Variants in SLC20A1 observed in about 807,000 individuals in gnomAD.
SLC20A1 encodes the protein solute carrier family 20 member 1, also known as sodium-dependent phosphate transporter 1.
In SLC20A1, 28 loss-of-function variants were observed where a neutral mutation model predicts 62.7. The observed-to-expected ratio is 0.45, with a 90% confidence interval of 0.33 to 0.61. The LOEUF is 0.61. SLC20A1 is among the 20% of genes least tolerant of loss of function. The probability of loss-of-function intolerance (pLI) is 0.02; values close to 1 mark genes in which losing one functional copy is unlikely to be tolerated. For synonymous variants in SLC20A1, 305 were observed against 302.9 expected (o/e 1.01, Z -0.07); for missense variants, 673 against 838.6 (o/e 0.80, Z 2.44).
chr2:112,651,599 G>C (rs989672738), intron 4 of SLC20A1, among the ~76,000 whole-genome samples: 2 of 151,898 alleles, frequency 1.3e-5, no homozygotes, highest in African/African-American at 2.4e-5. Flanking sequence ...GTAGAGACAG[G>C]GTTTCACCGT....
chr2:112,659,779 C>T lies in SLC20A1; in HGVS notation c.1607+17C>T. On this transcript the variant is annotated intron_variant, in intron 8 of 10. Coordinates refer to ENST00000272542, the MANE Select transcript of SLC20A1 (RefSeq NM_005415.5). Reference sequence around the variant, plus strand: ...TGACGTAAGGTCAGTTGACATTGATCTTAGTGTTGCTAACCCTATTTTTAA... The same window carrying T: ...TGACGTAAGGTCAGTTGACATTGATTTTAGTGTTGCTAACCCTATTTTTAA... 6.3e-7 allele frequency: 1 copy of T among 1,593,462 alleles called. No homozygotes were observed. The highest frequency in any genetic ancestry group is 8.6e-7 in the Non-Finnish European group (1 of 1,167,144).
chr2:112,662,233 T>C (rs1480900675), intron 10 of SLC20A1, among the ~76,000 whole-genome samples: 1 of 152,216 alleles, frequency 6.6e-6, no homozygotes, highest in African/African-American at 2.4e-5. Flanking sequence ...TTAGGTTTAA[T>C]ATCAGCCACT....
At position 112,662,855 on chromosome 2, in the gene SLC20A1, C is replaced by T. The variant is rs1270333744; in HGVS notation, c.1879-9C>T. The T allele has an allele frequency of 1.9e-6, 3 of 1,612,958 alleles. No homozygotes were observed. The highest frequency in any genetic ancestry group is 1.7e-4 in the Middle Eastern group (1 of 6,008). On this transcript the variant is annotated splice_polypyrimidine_tract_variant and intron_variant, in intron 10 of 10. Coordinates refer to ENST00000272542, the MANE Select transcript of SLC20A1 (RefSeq NM_005415.5). ...AATAACCTGTTTCCTTGGTCTGCTT[C>T]TCTTCTAGGTGGGCTCTGTTGTGTC...
intron 4 of SLC20A1, among the ~76,000 whole-genome samples, chr2:112,651,123 G>A (rs947151042): frequency 2.5e-4 from 38 of 152,136 alleles, no homozygotes; most frequent in Non-Finnish European, 5.9e-5. Flanking sequence ...CTATAGATAA[G>A]AGTTAAATTT....
At position 112,652,587 on chromosome 2, in the gene SLC20A1, A is replaced by G. The variant is rs1015029779; in HGVS notation, c.562-115A>G. 6.4e-5 allele frequency: 51 copies of G among 793,598 alleles called. No homozygotes were observed. The East Asian group carries it at 1.2e-3, about 19-fold the overall frequency. 49.2% of individuals were successfully genotyped at this position (793,598 alleles called of 1,614,324 possible). A position where few individuals can be genotyped will look rare whatever the true frequency, so the allele number is the denominator to read the frequency against. On this transcript the variant is annotated intron_variant, in intron 4 of 10. Transcript: ENST00000272542. ...AAAAACTCTGTTGTCCTTGGAAACT[A>G]CTCTGGAGAGAGTTATTGGCACTAT...
chr2:112,660,595 A>G (rs577168439), intron 9 of SLC20A1, 23 bp downstream of exon 9: 1 of 1,602,010 alleles, frequency 6.2e-7, no homozygotes, highest in South Asian at 1.1e-5. Flanking sequence ...AGCAGGTTCT[A>G]CAAATGTCAG....
At position 112,661,235 on chromosome 2, in the gene SLC20A1, A is replaced by C. The variant is rs761072120; in HGVS notation, c.1878+9A>C. ...GTACAACACATTGTAAAGTAAGTGT[A>C]ATGCCAATGTGTGTCTTTCAAATGG... On this transcript the variant is annotated intron_variant, in intron 10 of 10. Transcript: ENST00000272542. 6.3e-7 allele frequency: 1 copy of C among 1,592,372 alleles called. No homozygotes were observed. The highest frequency in any genetic ancestry group is 1.7e-5 in the Admixed American group (1 of 59,952).
At chr2:112,647,241 A>G in intron 2 of SLC20A1, 79 bp downstream of exon 2, 1 of 1,584,412 alleles carries the variant, frequency 6.3e-7, no homozygotes, top group East Asian at 2.2e-5. Context: ...TTTGTGCATA[A>G]CCTTTCCGAT....
chr2:112,661,612 A>C (rs1686750771), intron 10 of SLC20A1, among the ~76,000 whole-genome samples: 1 of 152,128 alleles, frequency 6.6e-6, no homozygotes, highest in Non-Finnish European at 1.5e-5. Context: ...TCAGTGGCAC[A>C]ATCTCGGCTC....
intron 5 of SLC20A1, among the ~76,000 whole-genome samples, chr2:112,656,182 A>G (rs938971677): frequency 7.2e-6 from 1 of 139,568 alleles, no homozygotes; most frequent in African/African-American, 2.6e-5. Flanking sequence ...TGTGAGAAAG[A>G]CAAAACTTTT....
chr2:112,659,443 C>T lies in SLC20A1; in HGVS notation c.1288C>T (p.Leu430=). 6.2e-7 allele frequency: 1 copy of T among 1,614,176 alleles called. No individual in the cohort carries two copies. Among genetic ancestry groups the T allele is most frequent in the Non-Finnish European group, 8.5e-7 (1 of 1,180,038 alleles). Residue 430 remains leucine, a synonymous_variant, in exon 8 of 11, where the codon CTG becomes TTG. Coordinates refer to ENST00000272542, the MANE Select transcript of SLC20A1 (RefSeq NM_005415.5). ...SYTMAICGMP[L]DSFRAKEGEQ... ...TACCATGGCAATATGTGGCATGCCT[C>T]TGGATTCATTCCGTGCCAAAGAAGG...
At position 112,647,321 on chromosome 2, in the gene SLC20A1, C is replaced by T; in HGVS notation, c.335-3C>T. Reference sequence around the variant, plus strand: ...TACTTAATAAAACTTTACTATGTTTCAGGTTCTGCTGTGTGGCAACTCGTG... The same window carrying T: ...TACTTAATAAAACTTTACTATGTTTTAGGTTCTGCTGTGTGGCAACTCGTG... On this transcript the variant is annotated splice_polypyrimidine_tract_variant and splice_region_variant and intron_variant, in intron 2 of 10. Coordinates refer to ENST00000272542, the MANE Select transcript of SLC20A1 (RefSeq NM_005415.5). The T allele has an allele frequency of 6.2e-7, 1 of 1,611,568 alleles. No homozygotes were observed. The highest frequency in any genetic ancestry group is 8.5e-7 in the Non-Finnish European group (1 of 1,179,162).
At chr2:112,661,373 T>C (rs927862595) in intron 10 of SLC20A1, 147 bp downstream of exon 10, 10 of 576,124 alleles carry the variant, frequency 1.7e-5, no homozygotes, top group Admixed American at 1.5e-4. Context: ...TTTATTCTTA[T>C]TTAAGCAATT....
chr2:112,659,498 T>C lies in SLC20A1; in HGVS notation c.1343T>C (p.Leu448Pro), dbSNP rs754000202. Reference sequence around the variant, plus strand: ...CAGAAGGGCGAAGAAATGGAGAAGCTGACATGGCCTAATGCAGACTCCAAG... The same window carrying C: ...CAGAAGGGCGAAGAAATGGAGAAGCCGACATGGCCTAATGCAGACTCCAAG... Reference protein sequence around the residue: ...GEQKGEEMEKLTWPNADSKKR... With the variant: ...GEQKGEEMEKPTWPNADSKKR... Residue 448 changes from leucine to proline, a missense_variant, in exon 8 of 11, where the codon CTG (leucine) becomes CCG (proline). Transcript: ENST00000272542. The C allele has an allele frequency of 3.1e-6, 5 of 1,614,102 alleles. No homozygotes were observed. The Admixed American group carries it at 5.0e-5, about 16-fold the overall frequency.
rs75867546 is a variant in SLC20A1, at chr2:112,660,647, A to G, written c.1793+75A>G. The G allele has an allele frequency of 3.1e-3, 3,894 of 1,272,004 alleles. 96 individuals carry two copies. In the African/African-American group the frequency reaches 0.052, roughly 17 times the overall value. The allele number at this position is 1,272,004 out of a possible 1,614,324, so 78.8% of individuals were successfully genotyped here. A position where few individuals can be genotyped will look rare whatever the true frequency, so the allele number is the denominator to read the frequency against. On this transcript the variant is annotated intron_variant, in intron 9 of 10. Transcript: ENST00000272542. ...AGATATAACACTGTCGAGTGCTAAC[A>G]CAAATCTCTAAAGTAACCAAGTTTG...
rs746108215 is a variant in SLC20A1, at chr2:112,652,703, C to G, written c.563C>G (p.Ala188Gly). ...FLVRAFILHK[A>G]DPVPNGLRAL... is the part of the protein sequence containing the mutation. The stretch of plus-strand genomic sequence containing the variant: ...ATTGATCTTAATGATGTTTTACAGG[C>G]AGATCCAGTTCCTAATGGTTTGCGA... Residue 188 changes from alanine to glycine, a missense_variant and splice_region_variant, in exon 5 of 11, where the codon GCA becomes GGA. Coordinates refer to ENST00000272542, the MANE Select transcript of SLC20A1 (RefSeq NM_005415.5). 2.4e-5 allele frequency: 38 copies of G among 1,612,390 alleles called. No individual in the cohort carries two copies. The highest frequency in any genetic ancestry group is 3.1e-5 in the Non-Finnish European group (36 of 1,178,474).
intron 5 of SLC20A1, among the ~76,000 whole-genome samples, chr2:112,656,375 A>G (rs538571468): frequency 7.2e-4 from 109 of 150,874 alleles, no homozygotes; most frequent in Non-Finnish European, 1.2e-3. Flanking sequence ...TTTTTTTTGT[A>G]TTTTTAGTAG....
At chr2:112,647,553 A>T (rs1686317530) in intron 3 of SLC20A1, 89 bp downstream of exon 3, 1 of 1,579,446 alleles carries the variant, frequency 6.3e-7, no homozygotes, top group South Asian at 1.1e-5. Context: ...TCTAACGTCG[A>T]GGGACAGACC....
chr2:112,660,700 T>TG (rs5833455), intron 9 of SLC20A1, 128 bp downstream of exon 9: 670,186 of 812,288 alleles, frequency 0.83, 278,633 homozygotes, highest in East Asian at 1. Flanking sequence ...CTTATTGTCA[T>TG]TGTTCTTTTT....
Sources: allele counts gnomAD v4.1 joint callset (sites outside exome capture counted in the v4.1 genomes callset), GRCh38; gene constraint gnomAD v4.1.1; transcripts MANE v1.5; gene names NCBI Gene and HGNC (gene_info 2026-07-23, HGNC 2026-07-21).